The following CAPN5 variants were observed in gnomAD, a reference collection of about 807,000 sequenced individuals.
CAPN5 encodes calpain 5, also known as calpain-5.
Under a neutral mutation model 73.0 loss-of-function variants are expected in CAPN5, and 54 were observed. The ratio of observed to expected loss-of-function variants is 0.74; its 90% CI spans 0.59 to 0.93. CAPN5 has a LOEUF of 0.93. Ranked by LOEUF, CAPN5 falls within the 40% of genes least tolerant of loss-of-function variation. The pLI, the probability that CAPN5 is intolerant of heterozygous loss-of-function variation, is 0.00. For synonymous variants in CAPN5, 335 were observed against 356.9 expected (o/e 0.94, Z 0.69); for missense variants, 785 against 882.9 (o/e 0.89, Z 1.41).
chr11:77,071,416 C>G (rs1555033051), intron 1 of CAPN5, among the ~76,000 whole-genome samples: 1 of 152,210 alleles, frequency 6.6e-6, no homozygotes, highest in Non-Finnish European at 1.5e-5. Context: ...CAGCTCATTT[C>G]AGACATTCAC....
At chr11:77,080,435 C>CA (rs1950016541) in intron 1 of CAPN5, among the ~76,000 whole-genome samples, 1 of 152,164 alleles carries the variant, frequency 6.6e-6, no homozygotes, top group Non-Finnish European at 1.5e-5. Flanking sequence ...CTCAGAGGCT[C>CA]AGAGAGGTAG....
At chr11:77,113,019 T>C in intron 4 of CAPN5, 1 of 596,448 alleles carries the variant, frequency 1.7e-6, no homozygotes, top group Admixed American at 3.0e-5. Flanking sequence ...TGTTGGTTAC[T>C]CCCATTTTAG....
At chr11:77,112,538 G>T in intron 3 of CAPN5, 51 bp from the exon 4 acceptor site, 1 of 1,428,912 alleles carries the variant, frequency 7.0e-7, no homozygotes, top group Non-Finnish European at 9.9e-7. Context: ...TCAGGAAGCC[G>T]GACATCCCCT....
intron 1 of CAPN5, among the ~76,000 whole-genome samples, chr11:77,076,393 CTATTGT>C (rs1327388573): frequency 3.9e-5 from 6 of 152,184 alleles, no homozygotes; most frequent in Non-Finnish European, 7.3e-5. Flanking sequence ...AGAGTATAAT[CTATTGT>C]TATTAACTAT....
chr11:77,096,695 A>G (rs982114041), intron 3 of CAPN5, among the ~76,000 whole-genome samples: 4 of 152,262 alleles, frequency 2.6e-5, no homozygotes, highest in African/African-American at 9.6e-5. Context: ...GCCTAAGCCA[A>G]GATCTGCTGT....
At chr11:77,078,739 G>A (rs1272810744) in intron 1 of CAPN5, among the ~76,000 whole-genome samples, 1 of 151,850 alleles carries the variant, frequency 6.6e-6, no homozygotes, top group African/African-American at 2.4e-5. Context: ...ATTTATTTGT[G>A]TCTTCAATTT....
Position 77,112,744 on chromosome 11 carries a change from C to T in CAPN5, c.453C>T (p.His151=). Residue 151 remains histidine (H), a synonymous_variant, in exon 4 of 13, where the codon CAC becomes CAT. Transcript: ENST00000648180. ...TCAACAACCAGCTCATCTACTGCCA[C>T]TCCAACTCCCGCAATGAGTTTTGGT... is the stretch of plus-strand genomic sequence containing the variant. ...PTVNNQLIYC[H]SNSRNEFWCA... is the part of the protein sequence containing the mutation. 1 of 1,614,280 alleles carries T rather than the reference C, an allele frequency of 6.2e-7. No individual in the cohort carries two copies.
chr11:77,082,788 A>C (rs1036761115), intron 1 of CAPN5, among the ~76,000 whole-genome samples: 4 of 152,182 alleles, frequency 2.6e-5, no homozygotes, highest in African/African-American at 9.7e-5. Flanking sequence ...GAGAGCAGCC[A>C]GACCCTCTTT....
chr11:77,108,418 G>C (rs977456383), intron 3 of CAPN5, among the ~76,000 whole-genome samples: 1 of 152,192 alleles, frequency 6.6e-6, no homozygotes, highest in South Asian at 2.1e-4. Flanking sequence ...ATGTGCGTGG[G>C]GGAGGTGGCT....
intron 3 of CAPN5, chr11:77,103,214 T>C (rs1555039275): frequency 1.9e-6 from 3 of 1,613,680 alleles, no homozygotes; most frequent in Middle Eastern, 1.6e-4. Context: ...CCCTGGAGTT[T>C]GGGGAGCGCC....
chr11:77,097,327 G>A (rs1950220320), intron 3 of CAPN5, among the ~76,000 whole-genome samples: 1 of 152,190 alleles, frequency 6.6e-6, no homozygotes, highest in Non-Finnish European at 1.5e-5. Flanking sequence ...CATGGATGGA[G>A]CACCAGCTAT....
chr11:77,078,429 G>GT (rs1949995748), intron 1 of CAPN5, among the ~76,000 whole-genome samples: 1 of 152,134 alleles, frequency 6.6e-6, no homozygotes. Flanking sequence ...CTTTGTGTCT[G>GT]TTTTTGTGCC....
chr11:77,108,733 G>T (rs1393304246), intron 3 of CAPN5, among the ~76,000 whole-genome samples: 1 of 134,486 alleles, frequency 7.4e-6, no homozygotes, highest in African/African-American at 2.8e-5. Flanking sequence ...AAAGATAAGG[G>T]CTCAAAAAAA....
chr11:77,100,149 T>C (rs782238625), intron 3 of CAPN5, among the ~76,000 whole-genome samples: 5 of 152,208 alleles, frequency 3.3e-5, no homozygotes, highest in Non-Finnish European at 5.9e-5. Flanking sequence ...GTTTTGTTTT[T>C]TTATATGCAT....
chr11:77,119,892 C>T (rs1449890421), intron 9 of CAPN5: 3 of 152,290 alleles, frequency 2.0e-5, no homozygotes, highest in Non-Finnish European at 2.9e-5. Flanking sequence ...GTGACCAGAA[C>T]ACTTTTTTCA....
At position 77,112,901 on chromosome 11, in the gene CAPN5, T is replaced by C. The variant is rs549713289; in HGVS notation, c.506+104T>C. 2.6e-5 allele frequency: 29 copies of C among 1,118,014 alleles called. No individual in the cohort carries two copies. The South Asian group carries it at 3.9e-4, about 15-fold the overall frequency. The allele number at this position is 1,118,014 out of a possible 1,614,324, so 69.3% of individuals were successfully genotyped here. A position where few individuals can be genotyped will look rare whatever the true frequency, so the allele number is the denominator to read the frequency against. On this transcript the variant is annotated intron_variant, in intron 4 of 12. Coordinates refer to ENST00000648180, the MANE Select transcript of CAPN5 (RefSeq NM_004055.5). ...AGCCAGGGCTTTAGGCACAGAGAAGTGAGGGGCTGGTGCAGGCACGCAGCA... is the reference window on the plus strand; with the variant it reads ...AGCCAGGGCTTTAGGCACAGAGAAGCGAGGGGCTGGTGCAGGCACGCAGCA...
intron 3 of CAPN5, among the ~76,000 whole-genome samples, chr11:77,102,174 T>G (rs1260243923): frequency 3.9e-5 from 6 of 152,092 alleles, no homozygotes; most frequent in Non-Finnish European, 8.8e-5. Flanking sequence ...ACTCAAGTCT[T>G]GAGAACCACG....
rs369608660 is a variant in CAPN5 at position 77,102,955 on chromosome 11, G to A, written c.297+9142G>A. Reference sequence around the variant, plus strand: ...AGCCTGAAGCAGCGCGGGGAGAAGCGCCAGGATGGGGAGAAGCTGCTGCAG... The same window carrying A: ...AGCCTGAAGCAGCGCGGGGAGAAGCACCAGGATGGGGAGAAGCTGCTGCAG... On this transcript the variant is annotated intron_variant, in intron 3 of 12. Coordinates refer to ENST00000648180, the MANE Select transcript of CAPN5 (RefSeq NM_004055.5). 5.3e-5 allele frequency: 85 copies of A among 1,613,248 alleles called. No homozygotes were observed. The African/African-American group carries it at 7.1e-4, about 13-fold the overall frequency.
At chr11:77,100,501 C>T (rs1377064406) in intron 3 of CAPN5, among the ~76,000 whole-genome samples, 5 of 152,208 alleles carry the variant, frequency 3.3e-5, no homozygotes, top group African/African-American at 1.2e-4. Context: ...TGCCCCTCTG[C>T]TCAGACCCTC....
Sources: allele counts gnomAD v4.1 joint callset (sites outside exome capture counted in the v4.1 genomes callset), GRCh38; gene constraint gnomAD v4.1.1; transcripts MANE v1.5; gene names NCBI Gene and HGNC (gene_info 2026-07-23, HGNC 2026-07-21).